Variants in SIPA1L3 observed in about 807,000 individuals in gnomAD.
The protein encoded by SIPA1L3 is signal-induced proliferation-associated 1-like protein 3.
A neutral mutation model predicts 150.1 loss-of-function variants in SIPA1L3; 59 were observed. The observed-to-expected ratio is 0.39, with a 90% CI of 0.32 to 0.49. The LOEUF (loss-of-function observed/expected upper bound fraction) is 0.49, where lower values mean the gene tolerates loss of function less well. SIPA1L3 is among the 20% of genes least tolerant of loss of function. The pLI, the probability that SIPA1L3 is intolerant of heterozygous loss-of-function variation, is 0.86. For missense variants in SIPA1L3, 2,211 were observed against 2,489.5 expected, an observed-to-expected ratio of 0.89 and a Z score of 2.38; for synonymous variants, 1,070 against 1,077.6, an observed-to-expected ratio of 0.99 and a Z score of 0.14.
At chr19:37,945,474 C>G (rs1223213336) in intron 1 of SIPA1L3, among the ~76,000 whole-genome samples, 1 of 152,046 alleles carries the variant, frequency 6.6e-6, no homozygotes, top group South Asian at 2.1e-4. Context: ...CTGAGCTCAG[C>G]AATCTGCCCA....
At chr19:38,043,255 G>A (rs865882668) in intron 2 of SIPA1L3, among the ~76,000 whole-genome samples, 9 of 152,130 alleles carry the variant, frequency 5.9e-5, no homozygotes, top group East Asian at 1.9e-4. Flanking sequence ...CAGGAGAATC[G>A]CTTGAACCTG....
chr19:37,959,562 T>G (rs1442775059), intron 1 of SIPA1L3, among the ~76,000 whole-genome samples: 1 of 152,178 alleles, frequency 6.6e-6, no homozygotes, highest in Non-Finnish European at 1.5e-5. Flanking sequence ...AGTACAGAGT[T>G]TATTTTGGAG....
intron 1 of SIPA1L3, among the ~76,000 whole-genome samples, chr19:37,949,821 T>G (rs1281480722): frequency 6.6e-6 from 1 of 151,828 alleles, no homozygotes; most frequent in Non-Finnish European, 1.5e-5. Context: ...GCTCACGCCT[T>G]TAATCCCAGC....
rs1010425685 is a variant in SIPA1L3 at position 37,973,438 on chromosome 19, T to C, written c.-378-55651T>C. On this transcript the variant is annotated intron_variant, in intron 1 of 21. Coordinates refer to ENST00000222345, the MANE Select transcript of SIPA1L3 (RefSeq NM_015073.3). ...TTAGTAGAGACGGGGTTTCACCATA[T>C]TGGCCAGGCTGGTCTCGAACTCCCG... Among the ~76,000 whole-genome samples, 4 of 150,082 alleles carry C rather than the reference T, an allele frequency of 2.7e-5. 1 individual carries two copies. In the South Asian group the frequency reaches 8.5e-4, roughly 32 times the overall value.
intron 1 of SIPA1L3, among the ~76,000 whole-genome samples, chr19:37,977,466 G>A (rs1397263521): frequency 1.3e-5 from 2 of 152,258 alleles, no homozygotes; most frequent in East Asian, 1.9e-4. Flanking sequence ...CACTTCACCC[G>A]GCCTCATTAT....
At chr19:38,176,949 C>T (rs1411198069) in intron 15 of SIPA1L3, among the ~76,000 whole-genome samples, 1 of 149,326 alleles carries the variant, frequency 6.7e-6, no homozygotes, top group Non-Finnish European at 1.5e-5. Context: ...CCAGCCTGGG[C>T]GACAAGAGTG....
rs1007872745 is a variant in SIPA1L3 at position 38,082,462 on chromosome 19, G to A, written c.897G>A (p.Ser299=). The change falls in exon 3 of 22, where the codon TCG becomes TCA. Residue 299 remains serine (S), a synonymous_variant. Coordinates refer to ENST00000222345, the MANE Select transcript of SIPA1L3 (RefSeq NM_015073.3). ...RGLGGGDTVD[S]SIFRKLRSSK... ...TCGGCGGCGGGGACACGGTGGACTCGTCCATCTTTCGGAAGCTAAGGAGCA... is the reference window on the plus strand; with the variant it reads ...TCGGCGGCGGGGACACGGTGGACTCATCCATCTTTCGGAAGCTAAGGAGCA... 6.3e-7 allele frequency: 1 copy of A among 1,589,666 alleles called. No homozygotes were observed.
intron 13 of SIPA1L3, among the ~76,000 whole-genome samples, chr19:38,155,740 T>C (rs372669187): frequency 1.2e-4 from 18 of 152,326 alleles, no homozygotes; most frequent in African/African-American, 3.4e-4. Context: ...CGGAAGAGGC[T>C]GCATGCCCCA....
chr19:38,110,045 C>T, intron 7 of SIPA1L3, 182 bp from the exon 8 acceptor site: 2 of 624,172 alleles, frequency 3.2e-6, no homozygotes, highest in Admixed American at 2.7e-5. Flanking sequence ...GGCCTTTGTC[C>T]TTTATCCTGA....
intron 1 of SIPA1L3, among the ~76,000 whole-genome samples, chr19:38,017,615 C>G (rs1190403666): frequency 6.6e-6 from 1 of 151,522 alleles, no homozygotes; most frequent in African/African-American, 2.4e-5. Flanking sequence ...GTCTCGAACT[C>G]CTGGGCTCGA....
chr19:38,201,837 T>A, intron 19 of SIPA1L3, 25 bp from the exon 20 acceptor site: 2 of 1,583,598 alleles, frequency 1.3e-6, no homozygotes, highest in Non-Finnish European at 8.6e-7. Flanking sequence ...TGCTGACCCC[T>A]CTCCTCCTCC....
chr19:38,126,179 T>TCAAAAA, intron 9 of SIPA1L3, among the ~76,000 whole-genome samples: 1 of 151,172 alleles, frequency 6.6e-6, no homozygotes, highest in African/African-American at 2.4e-5. Flanking sequence ...AGGCTCCATC[T>TCAAAAA]CAAAAACAAA....
At chr19:38,153,680 A>AG (rs1239788819) in intron 13 of SIPA1L3, among the ~76,000 whole-genome samples, 1 of 149,732 alleles carries the variant, frequency 6.7e-6, no homozygotes, top group Non-Finnish European at 1.5e-5. Context: ...AAAAAAAAAA[A>AG]AAAAAGAGGC....
At chr19:38,183,506 G>T (rs1219616850) in intron 16 of SIPA1L3, among the ~76,000 whole-genome samples, 1 of 152,172 alleles carries the variant, frequency 6.6e-6, no homozygotes, top group Admixed American at 6.5e-5. Context: ...GGACAGACTT[G>T]CCTTGAGTGG....
At chr19:38,197,535 C>A (rs1972988027) in intron 18 of SIPA1L3, among the ~76,000 whole-genome samples, 1 of 152,042 alleles carries the variant, frequency 6.6e-6, no homozygotes, top group Admixed American at 6.6e-5. Context: ...CGATTCCAAT[C>A]ACAGGTGCAG....
At chr19:37,957,974 A>G (rs2046825893) in intron 1 of SIPA1L3, among the ~76,000 whole-genome samples, 1 of 152,116 alleles carries the variant, frequency 6.6e-6, no homozygotes, top group African/African-American at 2.4e-5. Flanking sequence ...TCAGCCTCCA[A>G]AAGTGCTGGA....
intron 10 of SIPA1L3, among the ~76,000 whole-genome samples, chr19:38,139,435 T>C (rs1277017489): frequency 2.0e-5 from 3 of 152,112 alleles, no homozygotes; most frequent in Non-Finnish European, 2.9e-5. Flanking sequence ...CAGGCAGGAA[T>C]GGCAGGTGTG....
intron 4 of SIPA1L3, among the ~76,000 whole-genome samples, chr19:38,090,637 A>G (rs1970237771): frequency 6.6e-6 from 1 of 152,212 alleles, no homozygotes. Context: ...GAAAAGTGGC[A>G]TTTGCCAGCT....
At chr19:37,931,039 G>T (rs1380124343) in intron 1 of SIPA1L3, among the ~76,000 whole-genome samples, 1 of 152,138 alleles carries the variant, frequency 6.6e-6, no homozygotes, top group Non-Finnish European at 1.5e-5. Flanking sequence ...AAAGAAGGAT[G>T]GTAAGAGCCT....
Sources: allele counts gnomAD v4.1 joint callset (sites outside exome capture counted in the v4.1 genomes callset), GRCh38; gene constraint gnomAD v4.1.1; transcripts MANE v1.5; gene names NCBI Gene and HGNC (gene_info 2026-07-23, HGNC 2026-07-21).